The following FRK variants were observed in gnomAD, a reference collection of about 807,000 sequenced individuals.
FRK encodes the protein tyrosine-protein kinase FRK.
Under a neutral mutation model 56.4 loss-of-function variants are expected in FRK, and 51 were observed. The observed-to-expected ratio is 0.90, with a 90% CI of 0.72 to 1.14. The LOEUF is 1.14. FRK is among the 50% of genes most tolerant of loss of function. FRK has a pLI of 0.00. For missense variants in FRK, 570 were observed against 601.4 expected (o/e 0.95, Z 0.55); for synonymous variants, 245 against 217.9 (o/e 1.12, Z -1.10).
chr6:116,058,525 G>C (rs1057431192), intron 1 of FRK, among the ~76,000 whole-genome samples: 2 of 152,174 alleles, frequency 1.3e-5, no homozygotes, highest in South Asian at 2.1e-4. Flanking sequence ...CCCTGGACCA[G>C]TAAGGGACGC....
At chr6:115,997,657 T>C (rs1450003924) in intron 2 of FRK, among the ~76,000 whole-genome samples, 1 of 152,170 alleles carries the variant, frequency 6.6e-6, no homozygotes, top group East Asian at 1.9e-4. Context: ...CCATTTCTGA[T>C]TAGTCACCAG....
rs55871204 is a variant in FRK, at chr6:115,944,379, C to T, written c.1005G>A (p.Ala335=). The T allele has an allele frequency of 2.3e-4, 374 of 1,612,312 alleles. No homozygotes were observed. The highest frequency in any genetic ancestry group is 1.8e-3 in the Middle Eastern group (10 of 5,654). Residue 335 remains alanine (A), a synonymous_variant, in exon 6 of 8, where the codon GCG becomes GCA. Transcript: ENST00000606080. The stretch of plus-strand genomic sequence containing the variant: ...AGGCCATTCCAGAGGCAACCTGTGC[C>T]GCCATGTCTACCTGTTGAGTCAGAT... ...KIHLTQQVDM[A]AQVASGMAYL... is the part of the protein sequence containing the mutation.
At chr6:116,032,360 A>C (rs1235644933) in intron 1 of FRK, among the ~76,000 whole-genome samples, 1 of 152,128 alleles carries the variant, frequency 6.6e-6, no homozygotes, top group African/African-American at 2.4e-5. Flanking sequence ...CATGTAAATG[A>C]GAAAAGATTG....
rs530051557 is a variant in FRK, at chr6:115,984,102, G to A, written c.467-15363C>T. Among the ~76,000 whole-genome samples, 16 of 152,056 alleles carry A rather than the reference G, an allele frequency of 1.1e-4. No individual in the cohort carries two copies. In the South Asian group the frequency reaches 2.9e-3, roughly 28 times the overall value. On this transcript the variant is annotated intron_variant, in intron 2 of 7. Transcript: ENST00000606080. ...CAGGCATCTCCTCCTTTATGAAACCGCCCAGTGTAAGCGAGCAGAGTAGCT... is the reference window on the plus strand; with the variant it reads ...CAGGCATCTCCTCCTTTATGAAACCACCCAGTGTAAGCGAGCAGAGTAGCT...
At chr6:116,036,004 C>T (rs1006198248) in intron 1 of FRK, among the ~76,000 whole-genome samples, 1 of 152,062 alleles carries the variant, frequency 6.6e-6, no homozygotes, top group Non-Finnish European at 1.5e-5. Flanking sequence ...TCTCAATCAC[C>T]ATTACCTCTA....
At chr6:115,944,687 G>A (rs1772351259) in intron 5 of FRK, among the ~76,000 whole-genome samples, 1 of 152,066 alleles carries the variant, frequency 6.6e-6, no homozygotes, top group African/African-American at 2.4e-5. Context: ...TTATCTGAGA[G>A]TCTGGCTATT....
chr6:116,072,254 A>G, the FRK span, among the ~76,000 whole-genome samples: 765 of 152,268 alleles, frequency 5.0e-3, 24 homozygotes, highest in South Asian at 0.076. Context: ...CTTGGAAAAA[A>G]ACATTGAAAA....
chr6:116,061,399 A>AACACACACACACACACACAC (rs3049929), upstream of FRK, among the ~76,000 whole-genome samples: 4 of 146,574 alleles, frequency 2.7e-5, no homozygotes, highest in Non-Finnish European at 3.0e-5. Context: ...CTATTTGGGA[A>AACACACACACACACACACAC]ACACACACAC....
chr6:115,934,838 G>A lies in FRK; in HGVS notation c.*7576C>T, dbSNP rs913533071. On this transcript the variant is annotated 3_prime_UTR_variant, in exon 8 of 8. Transcript: ENST00000606080. Reference sequence around the variant, plus strand: ...GGAAAAGTCTACCTAGTTATCTAATGAGACAGATAATTTGATACATGCATT... The same window carrying A: ...GGAAAAGTCTACCTAGTTATCTAATAAGACAGATAATTTGATACATGCATT... 1 of 151,704 alleles carries A rather than the reference G, an allele frequency of 6.6e-6. No homozygotes were observed. Among genetic ancestry groups the A allele is most frequent in the African/African-American group, 2.4e-5 (1 of 41,248 alleles). The allele number at this position is 151,704 out of a possible 1,614,324, so 9.4% of individuals were successfully genotyped here. A position where few individuals can be genotyped will look rare whatever the true frequency, so the allele number is the denominator to read the frequency against.
intron 5 of FRK, among the ~76,000 whole-genome samples, chr6:115,949,275 T>G (rs1772605417): frequency 6.6e-6 from 1 of 152,196 alleles, no homozygotes; most frequent in Non-Finnish European, 1.5e-5. Context: ...ATACCTTTAT[T>G]TCTTTCTCTT....
At chr6:115,999,054 A>C (rs1472563485) in intron 2 of FRK, among the ~76,000 whole-genome samples, 3 of 152,188 alleles carry the variant, frequency 2.0e-5, no homozygotes, top group Non-Finnish European at 4.4e-5. Context: ...TGCATTTTTT[A>C]AGTGTACTTT....
intron 2 of FRK, among the ~76,000 whole-genome samples, chr6:115,982,318 A>C (rs932911573): frequency 2.6e-5 from 4 of 152,072 alleles, no homozygotes; most frequent in Non-Finnish European, 4.4e-5. Context: ...TAATTATACC[A>C]TTGCCAGCCT....
At chr6:116,084,482 A>G in the FRK span, among the ~76,000 whole-genome samples, 1 of 152,200 alleles carries the variant, frequency 6.6e-6, no homozygotes, top group Admixed American at 6.5e-5. Flanking sequence ...ATCAGTGATT[A>G]CAGGCTGTGA....
intron 4 of FRK, among the ~76,000 whole-genome samples, chr6:115,958,101 A>G (rs977509767): frequency 2.0e-5 from 3 of 152,210 alleles, no homozygotes; most frequent in Admixed American, 2.0e-4. Flanking sequence ...AGCTCCATCA[A>G]TTCCATCTCT....
intron 1 of FRK, among the ~76,000 whole-genome samples, chr6:116,010,025 A>G (rs537481436): frequency 6.6e-6 from 1 of 152,274 alleles, no homozygotes; most frequent in South Asian, 2.1e-4. Context: ...CAGGAGATCA[A>G]GACCATCCTG....
In FRK at chr6:116,042,075, C is replaced by T. The variant is rs188863493; in HGVS notation, c.344+17893G>A. On this transcript the variant is annotated intron_variant, in intron 1 of 7. Transcript: ENST00000606080. ...AGCTTGGTCAGGGAAGGGGCATCCA[C>T]CATTACTGAGGCTTGAGTAGGCGGT... Among the ~76,000 whole-genome samples, 3 of 152,320 alleles carry T rather than the reference C, an allele frequency of 2.0e-5. No individual in the cohort carries two copies. In the East Asian group the frequency reaches 5.8e-4, roughly 29 times the overall value.
At position 116,009,069 on chromosome 6, in the gene FRK, C is replaced by CA. The variant is rs1238972359; in HGVS notation, c.345-5072dup. ...TGGACAGCAAAAGGAAAGTGACTAACAAAAAAAAACAGAAGTGAGAGACAG... is the reference window on the plus strand; with the variant it reads ...TGGACAGCAAAAGGAAAGTGACTAACAAAAAAAAAACAGAAGTGAGAGACAG... On this transcript the variant is annotated intron_variant, in intron 1 of 7. Coordinates refer to ENST00000606080, the MANE Select transcript of FRK (RefSeq NM_002031.3). Among the ~76,000 whole-genome samples, 164 of 150,578 alleles carry CA rather than the reference C, an allele frequency of 1.1e-3. 1 individual carries two copies. Among genetic ancestry groups the CA allele is most frequent in the African/African-American group, 3.8e-3 (156 of 41,036 alleles).
the FRK span, among the ~76,000 whole-genome samples, chr6:116,093,530 T>TA: frequency 2.6e-5 from 4 of 152,200 alleles, no homozygotes; most frequent in Non-Finnish European, 5.9e-5. Context: ...AGTTTGGAGA[T>TA]ACCTGGTATC....
At chr6:116,020,965 T>C (rs1402811648) in intron 1 of FRK, among the ~76,000 whole-genome samples, 1 of 152,040 alleles carries the variant, frequency 6.6e-6, no homozygotes, top group African/African-American at 2.4e-5. Context: ...TAAACCTCAG[T>C]TGGGAAATTG....
Sources: gnomAD v4.1 joint callset for allele counts (sites outside exome capture counted in the v4.1 genomes callset) on GRCh38, gnomAD v4.1.1 for gene constraint, MANE v1.5 for transcripts, NCBI Gene and HGNC (gene_info 2026-07-23, HGNC 2026-07-21) for gene names.